Variants in ASXL2 observed in about 807,000 individuals in gnomAD.
The protein encoded by ASXL2 is putative Polycomb group protein ASXL2.
A neutral mutation model predicts 122.0 loss-of-function variants in ASXL2; 23 were observed. That is an observed-to-expected ratio of 0.19 (90% CI 0.14 to 0.27). The LOEUF is 0.27. Among genes scored for constraint, ASXL2 ranks in the 10% least tolerant of loss-of-function variants. ASXL2 has a pLI of 1.00. For synonymous variants in ASXL2, 650 were observed against 637.0 expected (o/e 1.02, Z -0.31); for missense variants, 1,518 against 1,713.8 (o/e 0.89, Z 2.02).
chr2:25,799,801 A>G (rs538185754), intron 4 of ASXL2, among the ~76,000 whole-genome samples: 2 of 152,268 alleles, frequency 1.3e-5, no homozygotes, highest in Admixed American at 1.3e-4. Context: ...AATTGGGTAG[A>G]TATGAGTCCA....
Position 25,767,740 on chromosome 2 carries a change from A to C in ASXL2, c.632-14T>G, listed in dbSNP as rs912008334. 5.6e-6 allele frequency: 9 copies of C among 1,613,518 alleles called. No individual in the cohort carries two copies. In the Admixed American group the frequency reaches 1.0e-4, roughly 18 times the overall value. Reference sequence around the variant, plus strand: ...CTTCCCATGTTGCTAGGAGAAAAAAATACGTATAAAGACTGGTAGCACTGA... The same window carrying C: ...CTTCCCATGTTGCTAGGAGAAAAAACTACGTATAAAGACTGGTAGCACTGA... On this transcript the variant is annotated splice_polypyrimidine_tract_variant and intron_variant, in intron 7 of 12. Transcript: ENST00000435504.
At chr2:25,852,474 A>G (rs2089727641) in intron 1 of ASXL2, among the ~76,000 whole-genome samples, 2 of 152,250 alleles carry the variant, frequency 1.3e-5, no homozygotes, top group Admixed American at 1.3e-4. Flanking sequence ...TGTATAATCT[A>G]TATGACTGCT....
At chr2:25,809,890 A>G (rs780400309) in intron 3 of ASXL2, 8 of 503,558 alleles carry the variant, frequency 1.6e-5, no homozygotes, top group Non-Finnish European at 2.8e-5. Flanking sequence ...TCAGGGTCAG[A>G]GGGAGGAGCA....
intron 3 of ASXL2, among the ~76,000 whole-genome samples, chr2:25,824,933 T>C (rs2089358877): frequency 6.6e-6 from 1 of 152,250 alleles, no homozygotes; most frequent in Admixed American, 6.5e-5. Context: ...ACATGGCCCA[T>C]CAACTTTCAA....
chr2:25,760,956 A>G (rs1386475216), intron 8 of ASXL2, among the ~76,000 whole-genome samples: 1 of 152,280 alleles, frequency 6.6e-6, no homozygotes, highest in African/African-American at 2.4e-5. Flanking sequence ...CTAGAAATGT[A>G]GAATAAAAAT....
intron 6 of ASXL2, among the ~76,000 whole-genome samples, chr2:25,769,788 G>C (rs2088415158): frequency 6.6e-6 from 1 of 152,080 alleles, no homozygotes. Flanking sequence ...GGAGTAACTG[G>C]CTACTTCTGG....
chr2:25,749,719 C>G lies in ASXL2; in HGVS notation c.1837G>C (p.Val613Leu). 1 of 1,530,022 alleles carries G rather than the reference C, an allele frequency of 6.5e-7. No individual in the cohort carries two copies. Among genetic ancestry groups the G allele is most frequent in the African/African-American group, 1.4e-5 (1 of 71,902 alleles). The allele number at this position is 1,530,022 out of a possible 1,614,324, so 94.8% of individuals were successfully genotyped here. ...PFLNRGDRIQVRKVPPLKIPV... is the reference protein window; with the variant it reads ...PFLNRGDRIQLRKVPPLKIPV... ...ACCTTGAGAGGTGGTACTTTTCGCA[C>G]CTGGATTCTGTCCCCTCTATTGAGA... Residue 613 changes from valine (V) to leucine (L), a missense_variant, in exon 12 of 13, where the codon GTG becomes CTG. Physicochemically the swap from Val to Leu is conservative, Grantham distance 32. This residue lies in a region of ASXL2 where 292 missense variants were observed against 293.5 expected (regional missense o/e 1.00). Coordinates refer to ENST00000435504, the MANE Select transcript of ASXL2 (RefSeq NM_018263.6).
At chr2:25,816,962 T>C (rs772643520) in intron 3 of ASXL2, among the ~76,000 whole-genome samples, 1 of 152,128 alleles carries the variant, frequency 6.6e-6, no homozygotes, top group Non-Finnish European at 1.5e-5. Context: ...CAGTCTCTAC[T>C]AAAAATGCAA....
intron 4 of ASXL2, among the ~76,000 whole-genome samples, chr2:25,804,829 T>G (rs1427587918): frequency 6.6e-6 from 1 of 152,044 alleles, no homozygotes; most frequent in African/African-American, 2.4e-5. Context: ...GAGGGTGGAT[T>G]ACCTGAGGTC....
At chr2:25,860,192 T>A (rs1574452613) in intron 1 of ASXL2, among the ~76,000 whole-genome samples, 3 of 151,860 alleles carry the variant, frequency 2.0e-5, no homozygotes, top group Non-Finnish European at 4.4e-5. Flanking sequence ...ATGCCTGTAA[T>A]CCCAGCTACT....
At chr2:25,805,677 A>G (rs1322069061) in intron 4 of ASXL2, among the ~76,000 whole-genome samples, 1 of 151,748 alleles carries the variant, frequency 6.6e-6, no homozygotes, top group African/African-American at 2.4e-5. Context: ...ATTTTATTTT[A>G]TTTTATTTTA....
intron 1 of ASXL2, among the ~76,000 whole-genome samples, chr2:25,846,767 G>C (rs1574446018): frequency 6.6e-6 from 1 of 152,332 alleles, no homozygotes; most frequent in South Asian, 2.1e-4. Flanking sequence ...AGTAAGCCGA[G>C]ATTGTGCCCC....
chr2:25,802,628 G>GTGAGA (rs1553700284), intron 4 of ASXL2, among the ~76,000 whole-genome samples: 1 of 152,040 alleles, frequency 6.6e-6, no homozygotes, highest in African/African-American at 2.4e-5. Flanking sequence ...CTTCCTCTTG[G>GTGAGA]TGAGCTACTG....
At chr2:25,759,080 G>A (rs1015033538) in intron 9 of ASXL2, among the ~76,000 whole-genome samples, 9 of 151,970 alleles carry the variant, frequency 5.9e-5, no homozygotes, top group South Asian at 2.1e-4. Flanking sequence ...TCAGCCTCCC[G>A]AGTAGCTGGG....
At chr2:25,748,608 A>G (rs1026911465) in intron 12 of ASXL2, among the ~76,000 whole-genome samples, 4 of 152,204 alleles carry the variant, frequency 2.6e-5, no homozygotes, top group Non-Finnish European at 5.9e-5. Context: ...AGTTAAATAA[A>G]AAGGGGGAAA....
chr2:25,781,492 G>C (rs1225413089), intron 5 of ASXL2, among the ~76,000 whole-genome samples: 1 of 151,210 alleles, frequency 6.6e-6, no homozygotes, highest in East Asian at 1.9e-4. Context: ...TATTATTTAT[G>C]TACATGGTGG....
At chr2:25,806,550 C>T (rs912905449) in intron 3 of ASXL2, among the ~76,000 whole-genome samples, 2 of 152,150 alleles carry the variant, frequency 1.3e-5, no homozygotes, top group Non-Finnish European at 2.9e-5. Flanking sequence ...AATAGTAATT[C>T]CTTAATGCTG....
intron 5 of ASXL2, 133 bp downstream of exon 5, chr2:25,799,252 C>T (rs2088959069): frequency 8.1e-7 from 1 of 1,235,472 alleles, no homozygotes; most frequent in Middle Eastern, 2.7e-4. Context: ...GCAGAAAACT[C>T]TCCTTGACAG....
chr2:25,869,417 A>C (rs1309264592), intron 1 of ASXL2, among the ~76,000 whole-genome samples: 6 of 152,232 alleles, frequency 3.9e-5, no homozygotes, highest in Non-Finnish European at 7.3e-5. Flanking sequence ...CCTATGTAAG[A>C]AACTCAGTTA....
Sources: allele counts gnomAD v4.1 joint callset (sites outside exome capture counted in the v4.1 genomes callset), GRCh38; gene constraint gnomAD v4.1.1; regional missense constraint gnomAD v4.1.1; transcripts MANE v1.5; gene names NCBI Gene and HGNC (gene_info 2026-07-23, HGNC 2026-07-21).